Variants in CCDC85A observed in about 807,000 individuals in gnomAD.
The protein encoded by CCDC85A is coiled-coil domain containing 85A, also known as coiled-coil domain-containing protein 85A.
In CCDC85A, 38 loss-of-function variants were observed where a neutral mutation model predicts 50.2. The ratio of observed to expected loss-of-function variants is 0.76; its 90% CI spans 0.58 to 0.99. CCDC85A has a LOEUF of 0.99. CCDC85A is among the 50% of genes least tolerant of loss of function. CCDC85A has a pLI of 0.00. For missense variants in CCDC85A, 820 were observed against 742.0 expected, an observed-to-expected ratio of 1.11 and a Z score of -1.22; for synonymous variants, 366 against 301.4, an observed-to-expected ratio of 1.21 and a Z score of -2.22.
intron 2 of CCDC85A, among the ~76,000 whole-genome samples, chr2:56,233,380 G>A (rs1573068126): frequency 6.6e-6 from 1 of 152,174 alleles, no homozygotes; most frequent in African/African-American, 2.4e-5. Flanking sequence ...GAATAGCAGA[G>A]GGAATACATG....
intron 2 of CCDC85A, among the ~76,000 whole-genome samples, chr2:56,316,045 G>T (rs1672906004): frequency 6.6e-6 from 1 of 152,102 alleles, no homozygotes; most frequent in Admixed American, 6.6e-5. Flanking sequence ...TTGGTGTTGG[G>T]ACACCTGGAT....
intron 2 of CCDC85A, among the ~76,000 whole-genome samples, chr2:56,221,597 C>T (rs1668332449): frequency 6.6e-6 from 1 of 151,888 alleles, no homozygotes; most frequent in South Asian, 2.1e-4. Context: ...AATTGTAACA[C>T]AAGAGTTATT....
intron 3 of CCDC85A, among the ~76,000 whole-genome samples, chr2:56,350,453 C>A (rs1055136336): frequency 1.3e-5 from 2 of 152,128 alleles, no homozygotes; most frequent in African/African-American, 2.4e-5. Flanking sequence ...TGCCTGTAAT[C>A]CAGTCTTCTG....
At chr2:56,351,457 C>A (rs1034530156) in intron 3 of CCDC85A, among the ~76,000 whole-genome samples, 2 of 144,460 alleles carry the variant, frequency 1.4e-5, no homozygotes, top group Non-Finnish European at 3.0e-5. Context: ...AACTAGTTTA[C>A]AGTCCCACCA....
intron 3 of CCDC85A, among the ~76,000 whole-genome samples, chr2:56,362,780 G>A (rs930269712): frequency 6.6e-6 from 1 of 151,872 alleles, no homozygotes; most frequent in Non-Finnish European, 1.5e-5. Context: ...CACCACACCC[G>A]GCTAATTTTT....
At chr2:56,213,638 G>A (rs1464899875) in intron 2 of CCDC85A, among the ~76,000 whole-genome samples, 1 of 151,900 alleles carries the variant, frequency 6.6e-6, no homozygotes, top group Non-Finnish European at 1.5e-5. Flanking sequence ...GCCAAACAGA[G>A]ATTGAACTGC....
At chr2:56,309,150 T>C (rs1672575238) in intron 2 of CCDC85A, among the ~76,000 whole-genome samples, 1 of 152,210 alleles carries the variant, frequency 6.6e-6, no homozygotes, top group African/African-American at 2.4e-5. Flanking sequence ...AATTAAACTT[T>C]TTATAAGAAG....
Position 56,192,884 on chromosome 2 carries a change from C to G in CCDC85A, c.684C>G (p.His228Gln), listed in dbSNP as rs746850996. 1 of 1,613,042 alleles carries G rather than the reference C, an allele frequency of 6.2e-7. No individual in the cohort carries two copies. The highest frequency in any genetic ancestry group is 1.7e-5 in the Admixed American group (1 of 59,970). Reference sequence around the variant, plus strand: ...ACAGCCCGGACCACCACAAGCACCACGCGAGCAGTGGCAGCCCGGAGCACC... The same window carrying G: ...ACAGCCCGGACCACCACAAGCACCAGGCGAGCAGTGGCAGCCCGGAGCACC... ...STDSPDHHKHHASSGSPEHLQ... is the reference protein window; with the variant it reads ...STDSPDHHKHQASSGSPEHLQ... The change falls in exon 2 of 6, where the codon CAC (histidine) becomes CAG (glutamine). Residue 228 changes from histidine to glutamine, a missense_variant. His to Gln is a conservative substitution (Grantham distance 24). Transcript: ENST00000407595. This position sits in a 1 kb window ranked among gnomAD's most constrained non-coding sequence, Gnocchi z 4.7.
At chr2:56,255,513 A>G (rs574599077) in intron 2 of CCDC85A, among the ~76,000 whole-genome samples, 5 of 152,300 alleles carry the variant, frequency 3.3e-5, no homozygotes, top group African/African-American at 1.2e-4. Context: ...GAGAAAAAAG[A>G]GTCATCAGAG....
chr2:56,197,181 C>G (rs1676560158), intron 2 of CCDC85A, among the ~76,000 whole-genome samples: 1 of 152,058 alleles, frequency 6.6e-6, no homozygotes, highest in South Asian at 2.1e-4. Context: ...GCTGTTTCTC[C>G]CAATGAACTC....
At chr2:56,343,266 C>T (rs1674464972) in intron 3 of CCDC85A, among the ~76,000 whole-genome samples, 1 of 152,206 alleles carries the variant, frequency 6.6e-6, no homozygotes, top group African/African-American at 2.4e-5. Flanking sequence ...TACTCATATA[C>T]ACCATGCATG....
At chr2:56,302,221 A>C (rs1488287110) in intron 2 of CCDC85A, among the ~76,000 whole-genome samples, 3 of 152,204 alleles carry the variant, frequency 2.0e-5, no homozygotes, top group Admixed American at 6.5e-5. Flanking sequence ...ATGCCATTGC[A>C]CTGCAGCCTA....
intron 2 of CCDC85A, among the ~76,000 whole-genome samples, chr2:56,299,712 A>G (rs1672115006): frequency 6.6e-6 from 1 of 152,172 alleles, no homozygotes; most frequent in African/African-American, 2.4e-5. Context: ...GAAAATCAAG[A>G]AACCGGGTAA....
intron 2 of CCDC85A, among the ~76,000 whole-genome samples, chr2:56,269,334 G>GGTGTGTGTGTGCGT (rs1670595979): frequency 6.7e-6 from 1 of 149,196 alleles, no homozygotes; most frequent in Non-Finnish European, 1.5e-5. Flanking sequence ...CCTTGGCAAG[G>GGTGTGTGTGTGCGT]GTGTGTGTGT....
chr2:56,373,813 G>A (rs926851620), intron 4 of CCDC85A, among the ~76,000 whole-genome samples: 11 of 152,150 alleles, frequency 7.2e-5, no homozygotes, highest in African/African-American at 2.4e-4. Context: ...ATTCATAAGA[G>A]TGGTACCAGG....
intron 2 of CCDC85A, among the ~76,000 whole-genome samples, chr2:56,238,315 C>G (rs746705120): frequency 2.6e-5 from 4 of 151,512 alleles, no homozygotes; most frequent in Admixed American, 6.6e-5. Context: ...TATTCAGGAG[C>G]CTGAGGCAGG....
intron 2 of CCDC85A, among the ~76,000 whole-genome samples, chr2:56,280,711 A>T (rs960489084): frequency 6.6e-6 from 1 of 152,164 alleles, no homozygotes; most frequent in African/African-American, 2.4e-5. Context: ...AAAAACAATG[A>T]GGTGGAGGTG....
chr2:56,265,692 G>A lies in CCDC85A; in HGVS notation c.1240+72252G>A, dbSNP rs114929563. Among the ~76,000 whole-genome samples, 855 of 152,290 alleles carry A rather than the reference G, an allele frequency of 5.6e-3. 3 individuals are homozygous for A. Among genetic ancestry groups the A allele is most frequent in the Non-Finnish European group, 9.7e-3 (661 of 68,020 alleles). On this transcript the variant is annotated intron_variant, in intron 2 of 5. Transcript: ENST00000407595. ...GAAAAGAAAGCCTTGCACACGGTTG[G>A]TGGTATTGTAAATTAGTACAGACAT...
chr2:56,270,629 A>T (rs1246129110), intron 2 of CCDC85A, among the ~76,000 whole-genome samples: 1 of 152,224 alleles, frequency 6.6e-6, no homozygotes, highest in African/African-American at 2.4e-5. Context: ...ATTTCAAATT[A>T]ATTTTAATGA....
Sources: allele counts gnomAD v4.1 joint callset (sites outside exome capture counted in the v4.1 genomes callset), GRCh38; gene constraint gnomAD v4.1.1; non-coding constraint Gnocchi (gnomAD v3.1); transcripts MANE v1.5; gene names NCBI Gene and HGNC (gene_info 2026-07-23, HGNC 2026-07-21).